GABRG3: variants seen among roughly 807,000 people sequenced by gnomAD.
GABRG3 encodes the protein gamma-aminobutyric acid type A receptor subunit gamma3, also known as gamma-aminobutyric acid receptor subunit gamma-3.
Under a neutral mutation model 48.8 loss-of-function variants are expected in GABRG3, and 25 were observed. The ratio of observed to expected loss-of-function variants is 0.51; its 90% CI spans 0.37 to 0.72. GABRG3 has a LOEUF of 0.72. GABRG3 is among the 30% of genes least tolerant of loss of function. The pLI, the probability that GABRG3 is intolerant of heterozygous loss-of-function variation, is 0.00. For synonymous variants in GABRG3, 227 were observed against 217.6 expected (o/e 1.04, Z -0.38); for missense variants, 394 against 577.9 (o/e 0.68, Z 3.26).
chr15:27,005,597 C>T (rs879555777), intron 2 of GABRG3, among the ~76,000 whole-genome samples: 14 of 152,252 alleles, frequency 9.2e-5, no homozygotes, highest in Admixed American at 2.6e-4. Flanking sequence ...GCTCTAGCCA[C>T]GTTGCTGCAA....
chr15:26,997,252 G>T (rs922073799), intron 2 of GABRG3, among the ~76,000 whole-genome samples: 1 of 151,860 alleles, frequency 6.6e-6, no homozygotes, highest in Admixed American at 6.6e-5. Flanking sequence ...CTTTAGATAT[G>T]GTTTCCTTGA....
chr15:27,093,800 G>A (rs192218222), intron 3 of GABRG3, among the ~76,000 whole-genome samples: 1 of 152,152 alleles, frequency 6.6e-6, no homozygotes, highest in East Asian at 1.9e-4. Flanking sequence ...TGACACTATT[G>A]CACCTTTTTA....
intron 3 of GABRG3, among the ~76,000 whole-genome samples, chr15:27,218,253 C>T (rs1889331459): frequency 6.6e-6 from 1 of 152,098 alleles, no homozygotes; most frequent in African/African-American, 2.4e-5. Context: ...GCCTCAGCCT[C>T]CCAAAGTGTT....
chr15:27,518,037 C>T (rs1891064308), intron 6 of GABRG3, among the ~76,000 whole-genome samples: 1 of 151,986 alleles, frequency 6.6e-6, no homozygotes, highest in South Asian at 2.1e-4. Context: ...TACCATCTCC[C>T]TGTCAATCTT....
At chr15:27,377,580 A>G (rs1366172323) in intron 5 of GABRG3, among the ~76,000 whole-genome samples, 1 of 152,180 alleles carries the variant, frequency 6.6e-6, no homozygotes, top group Non-Finnish European at 1.5e-5. Flanking sequence ...TTTTAAAACC[A>G]TCAGATCTTG....
intron 3 of GABRG3, among the ~76,000 whole-genome samples, chr15:27,060,149 G>C (rs943171525): frequency 6.6e-6 from 1 of 152,210 alleles, no homozygotes; most frequent in Non-Finnish European, 1.5e-5. Flanking sequence ...TAACATTTTT[G>C]TATCTAACTG....
intron 5 of GABRG3, among the ~76,000 whole-genome samples, chr15:27,433,728 G>C (rs1483888417): frequency 1.3e-5 from 2 of 152,164 alleles, no homozygotes; most frequent in Non-Finnish European, 2.9e-5. Context: ...TATCGCTATG[G>C]AAAGAGGCTG....
intron 3 of GABRG3, among the ~76,000 whole-genome samples, chr15:27,285,012 G>C (rs545259265): frequency 6.6e-6 from 1 of 152,236 alleles, no homozygotes; most frequent in East Asian, 1.9e-4. Context: ...AATTTGTTCT[G>C]AGGGTTTCTT....
At chr15:27,171,393 G>A (rs1029315695) in intron 3 of GABRG3, among the ~76,000 whole-genome samples, 14 of 152,004 alleles carry the variant, frequency 9.2e-5, no homozygotes, top group Admixed American at 2.0e-4. Flanking sequence ...ATAAAGGAAC[G>A]TTGTCGTACA....
intron 2 of GABRG3, among the ~76,000 whole-genome samples, chr15:26,988,774 T>G (rs1369443561): frequency 6.6e-6 from 1 of 152,186 alleles, no homozygotes; most frequent in African/African-American, 2.4e-5. Flanking sequence ...AATTTTATAT[T>G]GTTATTTTAG....
chr15:27,074,114 T>C (rs967078922), intron 3 of GABRG3, among the ~76,000 whole-genome samples: 5 of 152,084 alleles, frequency 3.3e-5, no homozygotes, highest in African/African-American at 1.2e-4. Flanking sequence ...CCATCAGATC[T>C]CTTGAGACTT....
chr15:27,033,913 C>T (rs754683678), intron 3 of GABRG3, among the ~76,000 whole-genome samples: 51 of 152,020 alleles, frequency 3.4e-4, no homozygotes, highest in Non-Finnish European at 4.7e-4. Flanking sequence ...TTATGTCATC[C>T]GTGAATTCTC....
At chr15:27,512,688 A>T (rs530881088) in intron 6 of GABRG3, among the ~76,000 whole-genome samples, 1 of 152,324 alleles carries the variant, frequency 6.6e-6, no homozygotes, top group South Asian at 2.1e-4. Context: ...TGGCACACTC[A>T]CATATGGAGG....
In GABRG3 at chr15:27,308,594, A is replaced by G. The variant is rs142598637; in HGVS notation, c.271-18215A>G. On this transcript the variant is annotated intron_variant, in intron 3 of 9. Transcript: ENST00000615808. ...ACATAATGTAAACATACATTTATAT[A>G]TAAACATAATGTAAACATACGCTTA... Among the ~76,000 whole-genome samples the G allele has an allele frequency of 4.6e-3, 675 of 146,242 alleles. 1 individual carries two copies. The highest frequency in any genetic ancestry group is 0.011 in the Middle Eastern group (1 of 94).
chr15:27,309,081 A>C (rs1892895971), intron 3 of GABRG3, among the ~76,000 whole-genome samples: 1 of 151,386 alleles, frequency 6.6e-6, no homozygotes, highest in East Asian at 1.9e-4. Flanking sequence ...ACATGTTTAT[A>C]TAGAAATATA....
chr15:27,015,105 C>T (rs760629175), intron 2 of GABRG3, among the ~76,000 whole-genome samples: 2 of 152,006 alleles, frequency 1.3e-5, no homozygotes, highest in African/African-American at 4.8e-5. Context: ...CTTTAGGTTC[C>T]CATTTGCATA....
intron 3 of GABRG3, among the ~76,000 whole-genome samples, chr15:27,101,116 G>T (rs973438458): frequency 6.6e-5 from 10 of 152,024 alleles, no homozygotes; most frequent in African/African-American, 2.4e-4. Context: ...CAAGGTCTCT[G>T]GATAAAAGAT....
At chr15:27,003,496 C>T (rs1332410680) in intron 2 of GABRG3, among the ~76,000 whole-genome samples, 1 of 151,972 alleles carries the variant, frequency 6.6e-6, no homozygotes, top group African/African-American at 2.4e-5. Context: ...CCATTTAACC[C>T]TGAGTGGACA....
chr15:27,024,370 T>A (rs1213067054), intron 2 of GABRG3, among the ~76,000 whole-genome samples: 1 of 152,218 alleles, frequency 6.6e-6, no homozygotes, highest in African/African-American at 2.4e-5. Flanking sequence ...ATCCAAGAGA[T>A]TGTTGTTAAA....
Sources: allele counts gnomAD v4.1 joint callset (sites outside exome capture counted in the v4.1 genomes callset), GRCh38; gene constraint gnomAD v4.1.1; transcripts MANE v1.5; gene names NCBI Gene and HGNC (gene_info 2026-07-23, HGNC 2026-07-21).